The following ARHGEF28 variants were observed in gnomAD, a reference collection of about 807,000 sequenced individuals.
ARHGEF28 encodes Rho guanine nucleotide exchange factor 28.
ARHGEF28 carries 152 observed loss-of-function variants against 206.6 expected under a neutral mutation model. The observed-to-expected ratio is 0.74, with a 90% CI of 0.64 to 0.84. The LOEUF is 0.84. Ranked by LOEUF, ARHGEF28 falls within the 40% of genes least tolerant of loss-of-function variation. The pLI, the probability that ARHGEF28 is intolerant of heterozygous loss-of-function variation, is 0.00. For synonymous variants in ARHGEF28, 763 were observed against 776.4 expected, an observed-to-expected ratio of 0.98 and a Z score of 0.29; for missense variants, 2,028 against 2,073.2, an observed-to-expected ratio of 0.98 and a Z score of 0.42.
intron 2 of ARHGEF28, among the ~76,000 whole-genome samples, chr5:73,741,290 A>G (rs905253662): frequency 4.7e-5 from 7 of 150,054 alleles, no homozygotes; most frequent in African/African-American, 1.7e-4. Flanking sequence ...TCAATTTGAT[A>G]CTGGTGAATC....
intron 2 of ARHGEF28, among the ~76,000 whole-genome samples, chr5:73,723,102 A>G (rs1750058497): frequency 6.6e-6 from 1 of 152,198 alleles, no homozygotes; most frequent in Non-Finnish European, 1.5e-5. Flanking sequence ...GTGGTTCAGT[A>G]ATTATTCCTG....
intron 6 of ARHGEF28, among the ~76,000 whole-genome samples, chr5:73,779,987 GTA>G (rs1357073944): frequency 1.3e-5 from 2 of 152,210 alleles, no homozygotes; most frequent in Non-Finnish European, 2.9e-5. Context: ...ACCTGCCCAA[GTA>G]TACTGATGAT....
At position 73,898,099 on chromosome 5, in the gene ARHGEF28, T is replaced by C. The variant is rs1762064855; in HGVS notation, c.3973+6T>C. On this transcript the variant is annotated splice_donor_region_variant and intron_variant, in intron 30 of 35. Coordinates refer to ENST00000513042, the MANE Select transcript of ARHGEF28 (RefSeq NM_001177693.2). ...ACCAGGATCACCGACTGCCTGTAAG[T>C]GAAAATGCAGGCCTTGGCAATGAGC... The C allele has an allele frequency of 6.2e-7, 1 of 1,610,180 alleles. No individual in the cohort carries two copies. The highest frequency in any genetic ancestry group is 8.5e-7 in the Non-Finnish European group (1 of 1,178,116).
chr5:73,772,672 C>T (rs1753293933), intron 4 of ARHGEF28, among the ~76,000 whole-genome samples: 1 of 152,192 alleles, frequency 6.6e-6, no homozygotes, highest in Non-Finnish European at 1.5e-5. Context: ...GCCACCACGC[C>T]TGGCCTTATA....
intron 9 of ARHGEF28, among the ~76,000 whole-genome samples, chr5:73,812,783 G>A (rs1049984379): frequency 6.6e-6 from 1 of 152,094 alleles, no homozygotes; most frequent in Non-Finnish European, 1.5e-5. Context: ...GATGATTGAC[G>A]GCCAGACTTG....
chr5:73,765,010 T>C (rs1416594463), intron 4 of ARHGEF28, among the ~76,000 whole-genome samples: 1 of 152,088 alleles, frequency 6.6e-6, no homozygotes, highest in Non-Finnish European at 1.5e-5. Flanking sequence ...TCATTGTACT[T>C]TTTGTTCATC....
chr5:73,889,582 CT>C (rs1183611360), intron 26 of ARHGEF28, among the ~76,000 whole-genome samples: 2 of 152,234 alleles, frequency 1.3e-5, no homozygotes, highest in Non-Finnish European at 2.9e-5. Flanking sequence ...TAGGAAGCAG[CT>C]TTAAAATCTC....
chr5:73,886,820 G>A (rs1761330376), intron 25 of ARHGEF28, among the ~76,000 whole-genome samples: 1 of 152,208 alleles, frequency 6.6e-6, no homozygotes, highest in Admixed American at 6.5e-5. Context: ...CCCATGGGAT[G>A]TTTAAAGGCT....
At chr5:73,678,887 A>G (rs140889715) in intron 1 of ARHGEF28, among the ~76,000 whole-genome samples, 68 of 152,268 alleles carry the variant, frequency 4.5e-4, no homozygotes, top group African/African-American at 1.5e-3. Context: ...CAATGTATAT[A>G]TATTTTGACT....
At chr5:73,732,770 T>C (rs1361298669) in intron 2 of ARHGEF28, among the ~76,000 whole-genome samples, 1 of 150,774 alleles carries the variant, frequency 6.6e-6, no homozygotes, top group African/African-American at 2.5e-5. Context: ...AATATATGTT[T>C]GATGAATTAA....
At chr5:73,859,408 T>G (rs984475706) in intron 16 of ARHGEF28, among the ~76,000 whole-genome samples, 2 of 152,180 alleles carry the variant, frequency 1.3e-5, no homozygotes, top group African/African-American at 4.8e-5. Context: ...AGTTTACCTC[T>G]GAAGCTCCTC....
intron 9 of ARHGEF28, among the ~76,000 whole-genome samples, chr5:73,816,954 T>TG (rs1247566150): frequency 1.3e-5 from 2 of 151,816 alleles, no homozygotes; most frequent in Non-Finnish European, 2.9e-5. Context: ...ATTTTCTGTT[T>TG]TTTTGTTTTG....
chr5:73,832,359 A>G lies in ARHGEF28; in HGVS notation c.1046A>G (p.Lys349Arg). 1 of 1,612,814 alleles carries G rather than the reference A, an allele frequency of 6.2e-7. No homozygotes were observed. The highest frequency in any genetic ancestry group is 8.5e-7 in the Non-Finnish European group (1 of 1,179,372). Reference sequence around the variant, plus strand: ...CTAGATCGCTCCTTCGATATCCTAAAAAAATCCAAGCCGCCCTCGACATTG... The same window carrying G: ...CTAGATCGCTCCTTCGATATCCTAAGAAAATCCAAGCCGCCCTCGACATTG... ...LDLDRSFDIL[K>R]KSKPPSTLLA... is the part of the protein sequence containing the mutation. Residue 349 changes from lysine (K) to arginine (R), a missense_variant, in exon 10 of 36, where the codon AAA becomes AGA. By Grantham distance (26) the Lys-to-Arg change is conservative (BLOSUM62 2). Transcript: ENST00000513042.
chr5:73,885,798 CTCTGG>C (rs2112672466), intron 24 of ARHGEF28, 47 bp from the exon 25 acceptor site: 3 of 1,522,784 alleles, frequency 2.0e-6, no homozygotes, highest in Admixed American at 4.4e-5. Context: ...TTCCTTAGTA[CTCTGG>C]TTTATTGTAT....
At position 73,905,697 on chromosome 5, in the gene ARHGEF28, A is replaced by G. The variant is rs150848648; in HGVS notation, c.4161+1292A>G. Reference sequence around the variant, plus strand: ...AATTCAACTCTGTGGGGTTTATTCAATCCCTTATTGTTTACACTTTTGTAT... The same window carrying G: ...AATTCAACTCTGTGGGGTTTATTCAGTCCCTTATTGTTTACACTTTTGTAT... On this transcript the variant is annotated intron_variant, in intron 33 of 35. Transcript: ENST00000513042. 2.8e-3 allele frequency among the ~76,000 whole-genome samples: 426 copies of G among 152,284 alleles called. 1 individual carries two copies. Among genetic ancestry groups the G allele is most frequent in the Non-Finnish European group, 4.2e-3 (284 of 68,024 alleles).
At position 73,870,227 on chromosome 5, in the gene ARHGEF28, G is replaced by A. The variant is rs771805149; in HGVS notation, c.2566+18G>A. The A allele has an allele frequency of 1.2e-6, 2 of 1,609,086 alleles. No individual in the cohort carries two copies. Among genetic ancestry groups the A allele is most frequent in the South Asian group, 1.1e-5 (1 of 90,540 alleles). On this transcript the variant is annotated intron_variant, in intron 21 of 35. Transcript: ENST00000513042. ...CATTTTTGGTAAGCGTTTCAAATAT[G>A]CTCTTTGGGTTGAAGCAGTGCGGTT...
intron 9 of ARHGEF28, among the ~76,000 whole-genome samples, chr5:73,799,504 G>C (rs1755010022): frequency 6.6e-6 from 1 of 152,170 alleles, no homozygotes; most frequent in Non-Finnish European, 1.5e-5. Context: ...AATTACAGAA[G>C]CTCCTGGAAC....
chr5:73,828,246 T>A (rs1378390415), intron 9 of ARHGEF28, among the ~76,000 whole-genome samples: 1 of 152,212 alleles, frequency 6.6e-6, no homozygotes, highest in Non-Finnish European at 1.5e-5. Context: ...GTGGCTAGTG[T>A]TGAAGTTAAT....
rs151119483 is a variant in ARHGEF28 at position 73,937,993 on chromosome 5, T to C, written c.4949-2851T>C. Among the ~76,000 whole-genome samples the C allele has an allele frequency of 4.6e-5, 7 of 152,268 alleles. No homozygotes were observed. In the East Asian group the frequency reaches 1.4e-3, roughly 29 times the overall value. On this transcript the variant is annotated intron_variant, in intron 35 of 35. Transcript: ENST00000513042. ...CAAGAAGGAACATGGAGAAGGAAAT[T>C]GAGTTCCCGTCCAGGTGACATACAA...
Sources: gnomAD v4.1 joint callset for allele counts (sites outside exome capture counted in the v4.1 genomes callset) on GRCh38, gnomAD v4.1.1 for gene constraint, MANE v1.5 for transcripts, NCBI Gene and HGNC (gene_info 2026-07-23, HGNC 2026-07-21) for gene names.